Variants in SLC25A44 observed in about 807,000 individuals in gnomAD.
The protein encoded by SLC25A44 is solute carrier family 25, member 44.
A neutral mutation model predicts 29.9 loss-of-function variants in SLC25A44; 17 were observed. That is an observed-to-expected ratio of 0.57 (90% CI 0.39 to 0.85). The LOEUF (loss-of-function observed/expected upper bound fraction) is 0.85, where lower values mean the gene tolerates loss of function less well. Among genes scored for constraint, SLC25A44 ranks in the 40% least tolerant of loss-of-function variants. The probability of loss-of-function intolerance (pLI) is 0.00; values close to 1 mark genes in which losing one functional copy is unlikely to be tolerated. For synonymous variants in SLC25A44, 140 were observed against 151.8 expected (o/e 0.92, Z 0.57); for missense variants, 302 against 398.4 (o/e 0.76, Z 2.06).
At chr1:156,208,078 C>T in intron 3 of SLC25A44, 65 bp downstream of exon 3, 1 of 1,469,564 alleles carries the variant, frequency 6.8e-7, no homozygotes, top group Non-Finnish European at 9.5e-7. Flanking sequence ...CCTTCAAGCC[C>T]TCCAGTGTTG....
intron 2 of SLC25A44, 98 bp downstream of exon 2, chr1:156,200,570 TGGG>T: frequency 9.3e-7 from 1 of 1,080,672 alleles, no homozygotes; most frequent in Non-Finnish European, 1.3e-6. Context: ...TGAGATTTAA[TGGG>T]GGAATGGGTC....
intron 1 of SLC25A44, chr1:156,197,237 G>A (rs1325023253): frequency 1.3e-5 from 2 of 152,254 alleles, no homozygotes; most frequent in Non-Finnish European, 2.9e-5. Flanking sequence ...TTGCCCCACA[G>A]GGCTTAGTGG....
Position 156,200,274 on chromosome 1 carries a change from G to T in SLC25A44, c.427G>T (p.Gly143Cys). The T allele has an allele frequency of 1.2e-6, 2 of 1,614,200 alleles. No homozygotes were observed. Among genetic ancestry groups the T allele is most frequent in the Non-Finnish European group, 1.7e-6 (2 of 1,180,040 alleles). ...VSQHLMMQRK[G>C]EKMGRFQVRG... The stretch of plus-strand genomic sequence containing the variant: ...CCAGCACCTGATGATGCAACGCAAG[G>T]GTGAGAAAATGGGCCGCTTTCAGGT... The change falls in exon 2 of 4, where the codon GGT becomes TGT. Residue 143 changes from glycine to cysteine, a missense_variant. Gly to Cys is a radical substitution (Grantham distance 159, BLOSUM62 -3). Coordinates refer to ENST00000359511, the MANE Select transcript of SLC25A44 (RefSeq NM_014655.4).
chr1:156,210,210 A>G, intron 3 of SLC25A44, 30 bp from the exon 4 acceptor site: 1 of 1,487,706 alleles, frequency 6.7e-7, no homozygotes, highest in Non-Finnish European at 9.0e-7. Flanking sequence ...GACTACAGAC[A>G]ATGGCCCTCC....
chr1:156,204,698 G>A (rs971857237), intron 2 of SLC25A44, among the ~76,000 whole-genome samples: 1 of 152,082 alleles, frequency 6.6e-6, no homozygotes, highest in Non-Finnish European at 1.5e-5. Flanking sequence ...ATGTTGGCCA[G>A]GCTGGTCTTG....
intron 2 of SLC25A44, among the ~76,000 whole-genome samples, chr1:156,203,668 C>CCTCCCT (rs1399590587): frequency 6.8e-6 from 1 of 147,200 alleles, no homozygotes; most frequent in East Asian, 2.0e-4. Flanking sequence ...TCCCTCCCTC[C>CCTCCCT]CTCCCTTCCT....
chr1:156,207,129 G>C (rs1656989553), intron 2 of SLC25A44, among the ~76,000 whole-genome samples: 1 of 151,982 alleles, frequency 6.6e-6, no homozygotes, highest in Admixed American at 6.6e-5. Flanking sequence ...CTTGAGTCCA[G>C]GAGTTCAAGA....
chr1:156,200,423 C>G lies in SLC25A44; in HGVS notation c.576C>G (p.Thr192=). The G allele has an allele frequency of 6.2e-7, 1 of 1,613,648 alleles. No individual in the cohort carries two copies. The highest frequency in any genetic ancestry group is 8.5e-7 in the Non-Finnish European group (1 of 1,179,954). Residue 192 remains threonine, a synonymous_variant, in exon 2 of 4, where the codon ACC becomes ACG. Coordinates refer to ENST00000359511, the MANE Select transcript of SLC25A44 (RefSeq NM_014655.4). ...GAGGCTATGTGGCTTCACTGCTTAC[C>G]TATATCCCAAACAGTGCTGTCTGGT... ...FYRGYVASLL[T]YIPNSAVWWP... is the part of the protein sequence containing the mutation.
rs1192990392 is a variant in SLC25A44 at position 156,211,987 on chromosome 1, A to G, written c.*1556A>G. The G allele has an allele frequency of 6.5e-6, 1 of 152,794 alleles. No homozygotes were observed. The highest frequency in any genetic ancestry group is 2.4e-5 in the African/African-American group (1 of 41,422). The allele number at this position is 152,794 out of a possible 1,614,324, so 9.5% of individuals were successfully genotyped here. On this transcript the variant is annotated 3_prime_UTR_variant, in exon 4 of 4. Transcript: ENST00000359511. ...AACAGGTTCTGAAAACCACTTCTCT[A>G]CCTTCACCACCACCACTGCCCATCT...
At chr1:156,208,443 G>A (rs182167124) in intron 3 of SLC25A44, among the ~76,000 whole-genome samples, 108 of 152,226 alleles carry the variant, frequency 7.1e-4, no homozygotes, top group Middle Eastern at 6.8e-3. Flanking sequence ...CTCCAGCCTG[G>A]GTGACAGAGT....
chr1:156,202,131 CCTT>C (rs1457732367), intron 2 of SLC25A44, among the ~76,000 whole-genome samples: 4 of 152,292 alleles, frequency 2.6e-5, no homozygotes, highest in South Asian at 2.1e-4. Context: ...CTTGACTACT[CCTT>C]CTTTCTTGTC....
In SLC25A44 at chr1:156,200,404, A is replaced by G; in HGVS notation, c.557A>G (p.Tyr186Cys). Residue 186 changes from tyrosine (Y) to cysteine (C), a missense_variant, in exon 2 of 4, where the codon TAT becomes TGT. Physicochemically the swap from Tyr to Cys is radical, Grantham distance 194 (BLOSUM62 -2). Transcript: ENST00000359511. Reference sequence around the variant, plus strand: ...GGACTTCGCGGCTTCTATCGAGGCTATGTGGCTTCACTGCTTACCTATATC... The same window carrying G: ...GGACTTCGCGGCTTCTATCGAGGCTGTGTGGCTTCACTGCTTACCTATATC... ...ADGLRGFYRG[Y>C]VASLLTYIPN... 5 of 1,614,002 alleles carry G rather than the reference A, an allele frequency of 3.1e-6. No homozygotes were observed. The highest frequency in any genetic ancestry group is 1.1e-5 in the South Asian group (1 of 91,088).
At position 156,199,918 on chromosome 1, in the gene SLC25A44, G is replaced by C; in HGVS notation, c.71G>C (p.Gly24Ala). The C allele has an allele frequency of 6.2e-7, 1 of 1,614,172 alleles. No homozygotes were observed. The highest frequency in any genetic ancestry group is 8.5e-7 in the Non-Finnish European group (1 of 1,180,018). Residue 24 changes from glycine (G) to alanine (A), a missense_variant, in exon 2 of 4, where the codon GGT (glycine) becomes GCT (alanine). Transcript: ENST00000359511. ...HLDKKKFYVFGVAMTMMIRVS... is the reference protein window; with the variant it reads ...HLDKKKFYVFAVAMTMMIRVS... ...GACAAGAAGAAGTTCTACGTGTTTG[G>C]TGTGGCAATGACAATGATGATCCGT...
intron 1 of SLC25A44, among the ~76,000 whole-genome samples, chr1:156,195,477 C>T (rs1052796469): frequency 3.3e-5 from 5 of 152,164 alleles, no homozygotes; most frequent in Admixed American, 2.0e-4. Flanking sequence ...GACAGCTCAT[C>T]CTCCGTCCCC....
In SLC25A44 at chr1:156,210,476, G is replaced by GCC; in HGVS notation, c.*45_*46insCC. On this transcript the variant is annotated 3_prime_UTR_variant, in exon 4 of 4. Transcript: ENST00000359511. ...CCTGCTGTTTTCCACACTACCGTGGGTCAGGGGCAGAGTGGAGAGGACAGC... is the reference window on the plus strand; with the variant it reads ...CCTGCTGTTTTCCACACTACCGTGGGCCTCAGGGGCAGAGTGGAGAGGACAGC... The GCC allele has an allele frequency of 6.9e-7, 1 of 1,444,588 alleles. No homozygotes were observed. Among genetic ancestry groups the GCC allele is most frequent in the South Asian group, 1.4e-5 (1 of 73,026 alleles). The allele number at this position is 1,444,588 out of a possible 1,614,324, so 89.5% of individuals were successfully genotyped here. A position where few individuals can be genotyped will look rare whatever the true frequency, so the allele number is the denominator to read the frequency against.
chr1:156,206,680 G>A (rs1032616435), intron 2 of SLC25A44, among the ~76,000 whole-genome samples: 7 of 151,876 alleles, frequency 4.6e-5, no homozygotes, highest in Admixed American at 2.6e-4. Flanking sequence ...CTACAGGCCC[G>A]CACCACCATG....
In SLC25A44 at chr1:156,199,913, G is replaced by A. The variant is rs1015545815; in HGVS notation, c.66G>A (p.Val22=). The change falls in exon 2 of 4, where the codon GTG becomes GTA. Residue 22 remains valine, a synonymous_variant. Coordinates refer to ENST00000359511, the MANE Select transcript of SLC25A44 (RefSeq NM_014655.4). ...WEHLDKKKFY[V]FGVAMTMMIR... is the part of the protein sequence containing the mutation. ...ACCTGGACAAGAAGAAGTTCTACGT[G>A]TTTGGTGTGGCAATGACAATGATGA... is the stretch of plus-strand genomic sequence containing the variant. 6.2e-7 allele frequency: 1 copy of A among 1,614,188 alleles called. No homozygotes were observed. The highest frequency in any genetic ancestry group is 1.7e-5 in the Admixed American group (1 of 60,026).
intron 2 of SLC25A44, among the ~76,000 whole-genome samples, chr1:156,205,566 A>C (rs1476000250): frequency 6.6e-6 from 1 of 152,074 alleles, no homozygotes; most frequent in Non-Finnish European, 1.5e-5. Flanking sequence ...TGTGGCTTGC[A>C]CTGTCTCCTT....
intron 1 of SLC25A44, among the ~76,000 whole-genome samples, chr1:156,195,172 C>T (rs1441025065): frequency 6.6e-6 from 1 of 150,792 alleles, no homozygotes; most frequent in African/African-American, 2.5e-5. Context: ...GGCGCAATCT[C>T]GGCTCACTGC....
Sources: gnomAD v4.1 joint callset for allele counts (sites outside exome capture counted in the v4.1 genomes callset) on GRCh38, gnomAD v4.1.1 for gene constraint, MANE v1.5 for transcripts, NCBI Gene and HGNC (gene_info 2026-07-23, HGNC 2026-07-21) for gene names.